Variants in PTPN4 observed in about 807,000 individuals in gnomAD.
PTPN4 encodes tyrosine-protein phosphatase non-receptor type 4.
Under a neutral mutation model 135.5 loss-of-function variants are expected in PTPN4, and 49 were observed. The observed-to-expected ratio is 0.36, with a 90% CI of 0.29 to 0.46. PTPN4 has a LOEUF of 0.46. Among genes scored for constraint, PTPN4 ranks in the 20% least tolerant of loss-of-function variants. The probability of loss-of-function intolerance (pLI) is 1.00; values close to 1 mark genes in which losing one functional copy is unlikely to be tolerated. For missense variants in PTPN4, 860 were observed against 1,101.0 expected (o/e 0.78, Z 3.10); for synonymous variants, 333 against 369.9 (o/e 0.90, Z 1.14).
At chr2:119,782,612 G>T (rs1021545011) in intron 1 of PTPN4, among the ~76,000 whole-genome samples, 2 of 151,606 alleles carry the variant, frequency 1.3e-5, no homozygotes, top group South Asian at 2.1e-4. Flanking sequence ...GACAGTAACA[G>T]ATTTAGAGTG....
At chr2:119,866,227 A>G (rs1178669606) in intron 3 of PTPN4, among the ~76,000 whole-genome samples, 2 of 152,058 alleles carry the variant, frequency 1.3e-5, no homozygotes, top group Non-Finnish European at 2.9e-5. Flanking sequence ...GCTTGAGATT[A>G]TATTATTCCT....
At position 119,770,606 on chromosome 2, in the gene PTPN4, A is replaced by G. The variant is rs189782209; in HGVS notation, c.-18+10222A>G. 2.1e-3 allele frequency among the ~76,000 whole-genome samples: 319 copies of G among 152,304 alleles called. 1 individual carries two copies. Among genetic ancestry groups the G allele is most frequent in the Non-Finnish European group, 1.9e-3 (131 of 68,004 alleles). On this transcript the variant is annotated intron_variant, in intron 1 of 26. Coordinates refer to ENST00000263708, the MANE Select transcript of PTPN4 (RefSeq NM_002830.4). ...ATTTACTATATTAATGCTTTGTACCATAATTTTTAAATTTAAAATATACCT... is the reference window on the plus strand; with the variant it reads ...ATTTACTATATTAATGCTTTGTACCGTAATTTTTAAATTTAAAATATACCT...
chr2:119,832,384 T>G (rs1457084631), intron 2 of PTPN4, among the ~76,000 whole-genome samples: 1 of 152,188 alleles, frequency 6.6e-6, no homozygotes, highest in Admixed American at 6.5e-5. Context: ...GTCATTTTTT[T>G]TTGGTGTCTT....
chr2:119,766,233 T>C (rs917192260), intron 1 of PTPN4, among the ~76,000 whole-genome samples: 1 of 152,224 alleles, frequency 6.6e-6, no homozygotes, highest in Non-Finnish European at 1.5e-5. Context: ...GGGAAAAGGA[T>C]TGGGAAAACC....
chr2:119,900,700 T>C lies in PTPN4; in HGVS notation c.676-18T>C, dbSNP rs776538300. On this transcript the variant is annotated intron_variant, in intron 9 of 26. Transcript: ENST00000263708. The stretch of plus-strand genomic sequence containing the variant: ...CATAAATTTAGATTTATCATGTTTT[T>C]ATTCATTTTTTTTGAAGGATCAGAG... The C allele has an allele frequency of 6.9e-7, 1 of 1,441,134 alleles. No individual in the cohort carries two copies. Among genetic ancestry groups the C allele is most frequent in the Non-Finnish European group, 9.5e-7 (1 of 1,055,106 alleles). 89.3% of individuals were successfully genotyped at this position (1,441,134 alleles called of 1,614,324 possible).
At chr2:119,956,796 A>G in intron 20 of PTPN4, 48 bp from the exon 21 acceptor site, 1 of 1,576,612 alleles carries the variant, frequency 6.3e-7, no homozygotes, top group Non-Finnish European at 8.5e-7. Context: ...CAAAAGAGAA[A>G]TTGTTTATGG....
At chr2:119,869,816 T>G (rs1039346449) in intron 3 of PTPN4, among the ~76,000 whole-genome samples, 2 of 152,150 alleles carry the variant, frequency 1.3e-5, no homozygotes, top group Non-Finnish European at 2.9e-5. Flanking sequence ...AGACAAGAAA[T>G]TTTCAAGATT....
rs1356536973 is a variant in PTPN4, at chr2:119,881,814, G to A, written c.397G>A (p.Asp133Asn). ...CCAGTATTTTTTGCAAATTAAACAAGACATTCTTACTGGAAGGTGGGCTCT... is the reference window on the plus strand; with the variant it reads ...CCAGTATTTTTTGCAAATTAAACAAAACATTCTTACTGGAAGGTGGGCTCT... ...RYQYFLQIKQ[D>N]ILTGRLPCPS... Residue 133 changes from aspartate to asparagine, a missense_variant, in exon 6 of 27, where the codon GAC becomes AAC. Asp to Asn is a conservative substitution (Grantham distance 23, BLOSUM62 1). Coordinates refer to ENST00000263708, the MANE Select transcript of PTPN4 (RefSeq NM_002830.4). 6.4e-7 allele frequency: 1 copy of A among 1,564,986 alleles called. No homozygotes were observed. The highest frequency in any genetic ancestry group is 2.3e-5 in the East Asian group (1 of 44,326).
At chr2:119,905,355 A>G (rs903434878) in intron 10 of PTPN4, among the ~76,000 whole-genome samples, 1 of 152,244 alleles carries the variant, frequency 6.6e-6, no homozygotes, top group Non-Finnish European at 1.5e-5. Flanking sequence ...TAGACAAAAT[A>G]TACTTTGTAA....
intron 2 of PTPN4, among the ~76,000 whole-genome samples, chr2:119,860,860 A>G (rs766894174): frequency 6.6e-6 from 1 of 151,952 alleles, no homozygotes; most frequent in African/African-American, 2.4e-5. Context: ...GACCAATATG[A>G]TGAAACTCTG....
In PTPN4 at chr2:119,983,328, A is replaced by G. The variant is rs1679722100; in HGVS notation, c.*6258A>G. The G allele has an allele frequency of 6.6e-6, 1 of 152,300 alleles. No homozygotes were observed. Among genetic ancestry groups the G allele is most frequent in the East Asian group, 1.9e-4 (1 of 5,176 alleles). The allele number at this position is 152,300 out of a possible 1,614,324, so 9.4% of individuals were successfully genotyped here. ...ACAGGTGCTGGTTCATGCTTTCTCC[A>G]CAAATTGGCAGTTGGGTACTTCCCC... On this transcript the variant is annotated 3_prime_UTR_variant, in exon 27 of 27. Transcript: ENST00000263708.
intron 1 of PTPN4, among the ~76,000 whole-genome samples, chr2:119,802,271 T>C (rs1278376386): frequency 6.6e-6 from 1 of 152,202 alleles, no homozygotes; most frequent in Non-Finnish European, 1.5e-5. Context: ...TGAGAGCAGA[T>C]ACCCTTCCTT....
Position 119,862,562 on chromosome 2 carries a change from G to A in PTPN4, c.165G>A (p.Leu55=), listed in dbSNP as rs756616032. The change falls in exon 3 of 27, where the codon TTG becomes TTA. Residue 55 remains leucine (L), a synonymous_variant. Transcript: ENST00000263708. The stretch of plus-strand genomic sequence containing the variant: ...AACATGATCAGGGGCAAGTCTTGTT[G>A]GATGTCGTCTTCAAGCATCTAGATT... ...VNKHDQGQVL[L]DVVFKHLDLT... The A allele has an allele frequency of 3.1e-6, 5 of 1,610,718 alleles. No individual in the cohort carries two copies. The highest frequency in any genetic ancestry group is 4.2e-6 in the Non-Finnish European group (5 of 1,178,648).
intron 15 of PTPN4, among the ~76,000 whole-genome samples, chr2:119,939,068 A>G (rs1487274080): frequency 6.6e-6 from 1 of 152,230 alleles, no homozygotes. Context: ...GGTGATAATA[A>G]TATCTACCTC....
intron 10 of PTPN4, among the ~76,000 whole-genome samples, chr2:119,911,061 T>C (rs907468486): frequency 1.3e-5 from 2 of 152,130 alleles, no homozygotes; most frequent in Non-Finnish European, 2.9e-5. Context: ...ACATTAGAAC[T>C]CCAGGCCCCT....
intron 20 of PTPN4, among the ~76,000 whole-genome samples, 191 bp from the exon 21 acceptor site, chr2:119,956,653 G>A (rs72952821): frequency 0.026 from 3,885 of 152,212 alleles, 170 homozygotes; most frequent in African/African-American, 0.088. Flanking sequence ...CATAATTTAT[G>A]TTAGAAACTG....
intron 2 of PTPN4, among the ~76,000 whole-genome samples, chr2:119,827,463 A>G (rs1574355429): frequency 6.6e-6 from 1 of 152,154 alleles, no homozygotes. Context: ...GTCAAACAAA[A>G]ACTTCTTCCC....
At chr2:119,917,474 C>T (rs1390454518) in intron 11 of PTPN4, among the ~76,000 whole-genome samples, 1 of 152,152 alleles carries the variant, frequency 6.6e-6, no homozygotes, top group African/African-American at 2.4e-5. Flanking sequence ...TGGCTCACGC[C>T]TGTAATCCCA....
intron 25 of PTPN4, 127 bp downstream of exon 25, chr2:119,965,772 AAG>A: frequency 8.9e-7 from 1 of 1,125,948 alleles, no homozygotes; most frequent in Non-Finnish European, 1.2e-6. Context: ...CTATGCTCTG[AAG>A]GTAGGAGGCA....
Sources: allele counts gnomAD v4.1 joint callset (sites outside exome capture counted in the v4.1 genomes callset), GRCh38; gene constraint gnomAD v4.1.1; transcripts MANE v1.5; gene names NCBI Gene and HGNC (gene_info 2026-07-23, HGNC 2026-07-21).